Variants in NEBL observed in about 807,000 individuals in gnomAD.
NEBL encodes LIM and SH3 protein 2.
In NEBL, 122 loss-of-function variants were observed where a neutral mutation model predicts 140.2. That is an observed-to-expected ratio of 0.87 (90% CI 0.75 to 1.01). The LOEUF is 1.01. Ranked by LOEUF, NEBL falls within the 50% of genes least tolerant of loss-of-function variation. NEBL has a pLI of 0.00. For missense variants in NEBL, 1,365 were observed against 1,231.3 expected, an observed-to-expected ratio of 1.11 and a Z score of -1.62; for synonymous variants, 436 against 398.9, an observed-to-expected ratio of 1.09 and a Z score of -1.11.
intron 4 of NEBL, among the ~76,000 whole-genome samples, chr10:20,939,446 G>A (rs1250933182): frequency 2.0e-5 from 3 of 152,146 alleles, no homozygotes; most frequent in African/African-American, 7.2e-5. Context: ...ACGAAACTTG[G>A]AAAGGAACAA....
chr10:21,235,977 G>T (rs939481331), intron 3 of NEBL, among the ~76,000 whole-genome samples: 4 of 152,122 alleles, frequency 2.6e-5, no homozygotes, highest in African/African-American at 9.7e-5. Context: ...ATGATATGTT[G>T]CACAGTCTTA....
chr10:21,269,693 T>C (rs1245590686), intron 1 of NEBL, among the ~76,000 whole-genome samples: 1 of 152,222 alleles, frequency 6.6e-6, no homozygotes, highest in African/African-American at 2.4e-5. Flanking sequence ...CATACTGGCT[T>C]TTCCACTGGG....
chr10:21,180,138 GAAAAAAA>G (rs201765784), intron 3 of NEBL, among the ~76,000 whole-genome samples: 6 of 140,080 alleles, frequency 4.3e-5, no homozygotes, highest in African/African-American at 1.0e-4. Context: ...CTCGGTCTCA[GAAAAAAA>G]AAAAGAAAAA....
intron 4 of NEBL, among the ~76,000 whole-genome samples, chr10:20,931,912 T>C (rs1356790542): frequency 6.6e-6 from 1 of 152,216 alleles, no homozygotes; most frequent in Non-Finnish European, 1.5e-5. Flanking sequence ...AAACATTTCT[T>C]ACACAAATTA....
At chr10:20,880,733 T>C in intron 5 of NEBL, 61 bp downstream of exon 5, 1 of 1,220,850 alleles carries the variant, frequency 8.2e-7, no homozygotes, top group Non-Finnish European at 1.2e-6. Flanking sequence ...AAAATAAACA[T>C]AAGCCCTAAT....
chr10:21,274,314 C>T (rs1035275461), intron 1 of NEBL, among the ~76,000 whole-genome samples: 1 of 152,244 alleles, frequency 6.6e-6, no homozygotes. Flanking sequence ...TTCCCAAAAG[C>T]TTAACTACTA....
At chr10:20,815,896 G>C in intron 21 of NEBL, 179 bp from the exon 22 acceptor site, 1 of 597,786 alleles carries the variant, frequency 1.7e-6, no homozygotes, top group Non-Finnish European at 3.0e-6. Flanking sequence ...AGCCTCCCAG[G>C]TAGCTGGGAT....
chr10:20,808,620 T>G lies in NEBL; in HGVS notation c.2651A>C (p.His884Pro). 1 of 1,613,512 alleles carries G rather than the reference T, an allele frequency of 6.2e-7. No individual in the cohort carries two copies. Among genetic ancestry groups the G allele is most frequent in the Admixed American group, 1.7e-5 (1 of 60,012 alleles). The change falls in exon 26 of 28, where the codon CAT (histidine) becomes CCT (proline). Residue 884 changes from histidine to proline, a missense_variant. Physicochemically the swap from His to Pro is moderately conservative, Grantham distance 77. This residue lies in a region of NEBL where 1,323 missense variants were observed against 1,154.8 expected (regional missense o/e 1.15). Coordinates refer to ENST00000377122, the MANE Select transcript of NEBL (RefSeq NM_006393.3). ...SHYRRHWSRS[H>P]SSSTFGTGLG... ...ACCTGTACCGAAAGTACTGCTGGAA[T>G]GGGATCGAGACCAGTGTCGCCTATA...
chr10:20,822,584 T>G (rs1839439438), intron 19 of NEBL, among the ~76,000 whole-genome samples: 1 of 151,358 alleles, frequency 6.6e-6, no homozygotes, highest in Non-Finnish European at 1.5e-5. Flanking sequence ...ATATACAGAC[T>G]ATCTAATATA....
At chr10:20,944,546 G>C (rs1274606966) in intron 4 of NEBL, among the ~76,000 whole-genome samples, 1 of 152,146 alleles carries the variant, frequency 6.6e-6, no homozygotes, top group Non-Finnish European at 1.5e-5. Context: ...CTCTATATTT[G>C]TATGAGAACT....
intron 4 of NEBL, among the ~76,000 whole-genome samples, chr10:20,948,241 A>T (rs1338162434): frequency 2.0e-5 from 3 of 152,236 alleles, no homozygotes; most frequent in Non-Finnish European, 4.4e-5. Flanking sequence ...GAAGCAATGT[A>T]AATAATCTTA....
chr10:20,799,968 C>T lies in NEBL; in HGVS notation c.2761+8542G>A, dbSNP rs191671939. Among the ~76,000 whole-genome samples, 321 of 151,702 alleles carry T rather than the reference C, an allele frequency of 2.1e-3. 1 individual carries two copies. Among genetic ancestry groups the T allele is most frequent in the African/African-American group, 7.5e-3 (309 of 41,352 alleles). ...GTGTGTGAGACGGAGAAAGAGAGAG[C>T]GCACGCGTGTGAGAGAGCGAGCAAA... is the stretch of plus-strand genomic sequence containing the variant. On this transcript the variant is annotated intron_variant, in intron 26 of 27. Coordinates refer to ENST00000377122, the MANE Select transcript of NEBL (RefSeq NM_006393.3).
At chr10:20,930,627 T>G (rs1389710306) in intron 4 of NEBL, among the ~76,000 whole-genome samples, 3 of 152,192 alleles carry the variant, frequency 2.0e-5, no homozygotes, top group Non-Finnish European at 2.9e-5. Flanking sequence ...TTCTCTCCAC[T>G]GATGACACAC....
At chr10:20,914,689 C>A (rs1346920784) in intron 4 of NEBL, among the ~76,000 whole-genome samples, 3 of 152,004 alleles carry the variant, frequency 2.0e-5, no homozygotes, top group Non-Finnish European at 2.9e-5. Context: ...TAACGATAAC[C>A]TAGTCAGATT....
chr10:21,128,646 G>A (rs1447177992), intron 2 of NEBL, among the ~76,000 whole-genome samples: 1 of 152,018 alleles, frequency 6.6e-6, no homozygotes. Context: ...AATGGAAAGG[G>A]CGAGAGAACA....
At chr10:21,249,394 T>C (rs1343216467) in intron 2 of NEBL, among the ~76,000 whole-genome samples, 4 of 152,138 alleles carry the variant, frequency 2.6e-5, no homozygotes, top group Non-Finnish European at 5.9e-5. Flanking sequence ...TGAAATTCAA[T>C]TTGTCTATTT....
At chr10:21,114,366 T>C (rs978241613) in intron 2 of NEBL, among the ~76,000 whole-genome samples, 1 of 152,106 alleles carries the variant, frequency 6.6e-6, no homozygotes, top group Non-Finnish European at 1.5e-5. Context: ...TGGTAAATGT[T>C]CTGTGTGCAC....
At chr10:21,052,589 A>G (rs1168359558) in intron 2 of NEBL, among the ~76,000 whole-genome samples, 4 of 152,338 alleles carry the variant, frequency 2.6e-5, no homozygotes, top group Middle Eastern at 3.4e-3. Context: ...TCAGCGGGGT[A>G]TAGAAGCTCT....
intron 4 of NEBL, among the ~76,000 whole-genome samples, chr10:20,940,762 C>T (rs1362705196): frequency 1.3e-5 from 2 of 151,636 alleles, no homozygotes; most frequent in Non-Finnish European, 2.9e-5. Context: ...ATATCACCAC[C>T]AATCCCACAG....
Sources: gnomAD v4.1 joint callset for allele counts (sites outside exome capture counted in the v4.1 genomes callset) on GRCh38, gnomAD v4.1.1 for gene constraint, gnomAD v4.1.1 regional missense constraint, MANE v1.5 for transcripts, NCBI Gene and HGNC (gene_info 2026-07-23, HGNC 2026-07-21) for gene names.